The following CLTC variants were observed in gnomAD, a reference collection of about 807,000 sequenced individuals.
CLTC encodes the protein clathrin heavy chain, also known as clathrin heavy chain 1.
CLTC carries 16 observed loss-of-function variants against 195.8 expected under a neutral mutation model. That is an observed-to-expected ratio of 0.08 (90% CI 0.06 to 0.12). The LOEUF is 0.12. Ranked by LOEUF, CLTC falls within the 10% of genes least tolerant of loss-of-function variation. CLTC has a pLI of 1.00. For missense variants in CLTC, 796 were observed against 2,027.0 expected (o/e 0.39, Z 11.66); for synonymous variants, 667 against 689.4 (o/e 0.97, Z 0.51).
At chr17:59,656,096 T>A in intron 6 of CLTC, 69 bp downstream of exon 6, 1 of 1,342,440 alleles carries the variant, frequency 7.4e-7, no homozygotes, top group Non-Finnish European at 1.0e-6. Context: ...TCCTGTCCTT[T>A]TGAGAAATTA....
chr17:59,627,516 T>C (rs1197828236), intron 1 of CLTC, among the ~76,000 whole-genome samples: 1 of 152,212 alleles, frequency 6.6e-6, no homozygotes, highest in Non-Finnish European at 1.5e-5. Context: ...GTCTGTATCA[T>C]TTGAATTGCA....
At chr17:59,690,521 C>A in intron 30 of CLTC, 115 bp from the exon 31 acceptor site, 1 of 669,842 alleles carries the variant, frequency 1.5e-6, no homozygotes, top group Non-Finnish European at 2.6e-6. Flanking sequence ...AATGTTCTTT[C>A]TAGTCTGTTT....
At chr17:59,645,210 CTTTT>C (rs573633896) in intron 2 of CLTC, among the ~76,000 whole-genome samples, 3 of 146,842 alleles carry the variant, frequency 2.0e-5, no homozygotes, top group Non-Finnish European at 4.5e-5. Flanking sequence ...TGATTCTGTG[CTTTT>C]TTTTTTATAC....
chr17:59,659,858 T>G (rs2032569115), intron 6 of CLTC, among the ~76,000 whole-genome samples: 1 of 152,152 alleles, frequency 6.6e-6, no homozygotes, highest in South Asian at 2.1e-4. Flanking sequence ...GAAAATGTAA[T>G]TAACGAAAAT....
Position 59,620,155 on chromosome 17 carries a change from T to C in CLTC, c.24T>C (p.Arg8=), listed in dbSNP as rs777747287. ...CCATGGCCCAGATTCTGCCAATTCG[T>C]TTTCAGGAGCATCTCCAGGTGCGGC... MAQILPI[R]FQEHLQLQNL... Residue 8 remains arginine (R), a synonymous_variant, in exon 1 of 32, where the codon CGT becomes CGC. Coordinates refer to ENST00000269122, the MANE Select transcript of CLTC (RefSeq NM_004859.4). 3 of 1,613,464 alleles carry C rather than the reference T, an allele frequency of 1.9e-6. No homozygotes were observed. In the African/African-American group the frequency reaches 4.0e-5, roughly 22 times the overall value.
chr17:59,681,083 C>G lies in CLTC; in HGVS notation c.3065+26C>G. On this transcript the variant is annotated intron_variant, in intron 19 of 31. Coordinates refer to ENST00000269122, the MANE Select transcript of CLTC (RefSeq NM_004859.4). This position sits in a 1 kb window ranked among gnomAD's most constrained non-coding sequence, Gnocchi z 5.0. ...GTATGCTTTCAGAGGGATCCATTGG[C>G]TATTTATAGTCAGTCTTTAATAAAT... The G allele has an allele frequency of 6.2e-7, 1 of 1,608,342 alleles. No homozygotes were observed. Among genetic ancestry groups the G allele is most frequent in the South Asian group, 1.1e-5 (1 of 90,296 alleles).
At chr17:59,641,893 G>T (rs966737586) in intron 1 of CLTC, among the ~76,000 whole-genome samples, 1 of 151,614 alleles carries the variant, frequency 6.6e-6, no homozygotes, top group African/African-American at 2.4e-5. Flanking sequence ...TCATTATGTT[G>T]CCCAGGCTGG....
rs756350995 is a variant in CLTC, at chr17:59,685,663, A to G, written c.4682A>G (p.Glu1561Gly). ...CTCCTGCAGTGGTTTTTGCAGGAAG[A>G]AAAAAGAGAGTGCTTTGGAGCTTGT... is the stretch of plus-strand genomic sequence containing the variant. ...EELLQWFLQE[E>G]KRECFGACLF... Residue 1561 changes from glutamate (E) to glycine (G), a missense_variant, in exon 30 of 32, where the codon GAA becomes GGA. By Grantham distance (98) the Glu-to-Gly change is moderately conservative. Coordinates refer to ENST00000269122, the MANE Select transcript of CLTC (RefSeq NM_004859.4). The surrounding 1 kb of genome is among the most constrained non-coding windows in gnomAD (Gnocchi z 5.0). 6 of 1,614,006 alleles carry G rather than the reference A, an allele frequency of 3.7e-6. No individual in the cohort carries two copies. The highest frequency in any genetic ancestry group is 1.3e-5 in the African/African-American group (1 of 74,920).
rs1273358811 is a variant in CLTC at position 59,666,652 on chromosome 17, A to T, written c.1947+8A>T. 8 of 1,606,386 alleles carry T rather than the reference A, an allele frequency of 5.0e-6. No homozygotes were observed. Among genetic ancestry groups the T allele is most frequent in the Non-Finnish European group, 6.0e-6 (7 of 1,174,818 alleles). ...CATCTTCTTAACCCTGAGGTATTTC[A>T]GTTTCTTACCTAATAGATGGTGTTA... On this transcript the variant is annotated splice_region_variant and intron_variant, in intron 12 of 31. Coordinates refer to ENST00000269122, the MANE Select transcript of CLTC (RefSeq NM_004859.4). This position sits in a 1 kb window ranked among gnomAD's most constrained non-coding sequence, Gnocchi z 4.9.
intron 1 of CLTC, 126 bp downstream of exon 1, chr17:59,620,299 G>A (rs1476456654): frequency 2.3e-6 from 2 of 868,406 alleles, no homozygotes; most frequent in Non-Finnish European, 3.9e-6. Flanking sequence ...ATTGGGGTAG[G>A]TGGAGGAGGG....
chr17:59,635,751 A>G (rs8072441), intron 1 of CLTC, among the ~76,000 whole-genome samples: 6,664 of 152,240 alleles, frequency 0.044, 399 homozygotes, highest in African/African-American at 0.14. Flanking sequence ...TTGATCACTA[A>G]TATATTCTGT....
chr17:59,672,067 C>T (rs915791089), intron 14 of CLTC, among the ~76,000 whole-genome samples: 2 of 152,056 alleles, frequency 1.3e-5, no homozygotes, highest in Non-Finnish European at 1.5e-5. Context: ...GTTAAATGAA[C>T]AAATTTATGT....
intron 18 of CLTC, among the ~76,000 whole-genome samples, chr17:59,680,096 C>T (rs2033052575): frequency 6.6e-6 from 1 of 151,896 alleles, no homozygotes; most frequent in African/African-American, 2.4e-5. Flanking sequence ...AAAGACCTGA[C>T]TTAATTATAT....
intron 1 of CLTC, among the ~76,000 whole-genome samples, chr17:59,635,576 G>A (rs1357186964): frequency 6.6e-6 from 1 of 152,152 alleles, no homozygotes; most frequent in Non-Finnish European, 1.5e-5. Flanking sequence ...CTAATGGAGA[G>A]TTGTCTTTAG....
At chr17:59,624,229 A>G (rs1341480577) in intron 1 of CLTC, among the ~76,000 whole-genome samples, 2 of 152,166 alleles carry the variant, frequency 1.3e-5, no homozygotes, top group Admixed American at 6.5e-5. Context: ...TGTGTACCTG[A>G]GTCTTCTGAC....
intron 6 of CLTC, 96 bp from the exon 7 acceptor site, chr17:59,660,295 C>G: frequency 9.8e-7 from 1 of 1,016,030 alleles, no homozygotes; most frequent in Non-Finnish European, 1.5e-6. Context: ...AATTTCATTA[C>G]CTTTGTGACT....
At chr17:59,630,537 C>G (rs2031682336) in intron 1 of CLTC, among the ~76,000 whole-genome samples, 1 of 152,130 alleles carries the variant, frequency 6.6e-6, no homozygotes, top group Admixed American at 6.6e-5. Context: ...TTCATCTCCC[C>G]AAAAGGAGAC....
rs760854652 is a variant in CLTC at position 59,685,847 on chromosome 17, T to C, written c.4827+39T>C. On this transcript the variant is annotated intron_variant, in intron 30 of 31. Transcript: ENST00000269122. The surrounding 1 kb of genome is among the most constrained non-coding windows in gnomAD (Gnocchi z 5.0). ...TAAGTGTATTCAGAACTAGTTTCCT[T>C]GCATGTAAAATTCTACATGCACATT... The C allele has an allele frequency of 2.8e-6, 4 of 1,445,432 alleles. No individual in the cohort carries two copies. The highest frequency in any genetic ancestry group is 3.8e-6 in the Non-Finnish European group (4 of 1,063,398). 89.5% of individuals were successfully genotyped at this position (1,445,432 alleles called of 1,614,324 possible).
At position 59,648,162 on chromosome 17, in the gene CLTC, AATT is replaced by A; in HGVS notation, c.520-74_520-72del. ...CCTGCTAAAGATGACAAAGCATTCT[AATT>A]ATTTCATTACTTGATGAATCTGAGA... On this transcript the variant is annotated intron_variant, in intron 3 of 31. Transcript: ENST00000269122. This position sits in a 1 kb window ranked among gnomAD's most constrained non-coding sequence, Gnocchi z 4.5. 1 of 1,278,348 alleles carries A rather than the reference AATT, an allele frequency of 7.8e-7. No homozygotes were observed. Among genetic ancestry groups the A allele is most frequent in the Non-Finnish European group, 1.1e-6 (1 of 922,240 alleles). 79.2% of individuals were successfully genotyped at this position (1,278,348 alleles called of 1,614,324 possible). A position where few individuals can be genotyped will look rare whatever the true frequency, so the allele number is the denominator to read the frequency against.
Sources: allele counts gnomAD v4.1 joint callset (sites outside exome capture counted in the v4.1 genomes callset), GRCh38; gene constraint gnomAD v4.1.1; non-coding constraint Gnocchi (gnomAD v3.1); transcripts MANE v1.5; gene names NCBI Gene and HGNC (gene_info 2026-07-23, HGNC 2026-07-21).